Variants in APCDD1 observed in about 807,000 individuals in gnomAD.
The protein encoded by APCDD1 is protein APCDD1.
APCDD1 carries 15 observed loss-of-function variants against 38.1 expected under a neutral mutation model. The observed-to-expected ratio is 0.39, with a 90% confidence interval of 0.26 to 0.61. APCDD1 has a LOEUF of 0.61. APCDD1 is among the 20% of genes least tolerant of loss of function. The pLI is 0.49. For missense variants in APCDD1, 647 were observed against 696.2 expected, an observed-to-expected ratio of 0.93 and a Z score of 0.79; for synonymous variants, 261 against 279.7, an observed-to-expected ratio of 0.93 and a Z score of 0.67.
In APCDD1 at chr18:10,471,278, T is replaced by G. The variant is rs1487281352; in HGVS notation, c.243-252T>G. ...TGGATTCATGGACTGGCTCTGATACTTGCTGGTCATGTGCTCTTGGGCATG... is the reference window on the plus strand; with the variant it reads ...TGGATTCATGGACTGGCTCTGATACGTGCTGGTCATGTGCTCTTGGGCATG... On this transcript the variant is annotated intron_variant, in intron 2 of 4. Coordinates refer to ENST00000355285, the MANE Select transcript of APCDD1 (RefSeq NM_153000.5). This position sits in a 1 kb window ranked among gnomAD's most constrained non-coding sequence, Gnocchi z 5.5. Among the ~76,000 whole-genome samples, 1 of 152,202 alleles carries G rather than the reference T, an allele frequency of 6.6e-6. No homozygotes were observed. Among genetic ancestry groups the G allele is most frequent in the Non-Finnish European group, 1.5e-5 (1 of 68,034 alleles).
chr18:10,462,440 TCTCTCCTTTCCTCCCTCCC>T (rs1568001563), intron 1 of APCDD1, among the ~76,000 whole-genome samples: 43 of 60,762 alleles, frequency 7.1e-4, no homozygotes, highest in Non-Finnish European at 9.1e-4. Flanking sequence ...CCTTGCTCCC[TCTCTCCTTTCCTCCCTCCC>T]TCCCTCCCTC....
intron 1 of APCDD1, among the ~76,000 whole-genome samples, chr18:10,459,076 T>C (rs764166321): frequency 3.3e-5 from 5 of 152,190 alleles, no homozygotes; most frequent in Non-Finnish European, 7.3e-5. Context: ...GGTTTTCCGG[T>C]TTCATTCATT....
Position 10,468,461 on chromosome 18 carries a change from T to C in APCDD1, c.59-8T>C. On this transcript the variant is annotated splice_region_variant and splice_polypyrimidine_tract_variant and intron_variant, in intron 1 of 4. Coordinates refer to ENST00000355285, the MANE Select transcript of APCDD1 (RefSeq NM_153000.5). Reference sequence around the variant, plus strand: ...TCTTTTGGCTAACTTTCCACCTTTATTTTTCAGGGCTGGGAGAGGGTTCTG... The same window carrying C: ...TCTTTTGGCTAACTTTCCACCTTTACTTTTCAGGGCTGGGAGAGGGTTCTG... The C allele has an allele frequency of 6.2e-7, 1 of 1,614,176 alleles. No individual in the cohort carries two copies.
chr18:10,471,253 T>C lies in APCDD1; in HGVS notation c.243-277T>C, dbSNP rs927632772. On this transcript the variant is annotated intron_variant, in intron 2 of 4. Coordinates refer to ENST00000355285, the MANE Select transcript of APCDD1 (RefSeq NM_153000.5). This position sits in a 1 kb window ranked among gnomAD's most constrained non-coding sequence, Gnocchi z 5.5. ...AGCACAGCATCAGAGCCAGGCTGCC[T>C]GGATTCATGGACTGGCTCTGATACT... Among the ~76,000 whole-genome samples, 4 of 152,302 alleles carry C rather than the reference T, an allele frequency of 2.6e-5. No individual in the cohort carries two copies. In the East Asian group the frequency reaches 7.7e-4, roughly 29 times the overall value.
At chr18:10,462,254 G>C (rs1184702825) in intron 1 of APCDD1, among the ~76,000 whole-genome samples, 2 of 152,074 alleles carry the variant, frequency 1.3e-5, no homozygotes, top group Non-Finnish European at 2.9e-5. Context: ...TTATTAGTGC[G>C]GTCCTTGAAC....
In APCDD1 at chr18:10,469,434, G is replaced by A. The variant is rs966326566; in HGVS notation, c.242+782G>A. Among the ~76,000 whole-genome samples, 2 of 152,040 alleles carry A rather than the reference G, an allele frequency of 1.3e-5. No individual in the cohort carries two copies. The highest frequency in any genetic ancestry group is 4.8e-5 in the African/African-American group (2 of 41,394). On this transcript the variant is annotated intron_variant, in intron 2 of 4. Transcript: ENST00000355285. This position sits in a 1 kb window ranked among gnomAD's most constrained non-coding sequence, Gnocchi z 5.5. ...AAATGAGGTCTCTCCAAATAACCAC[G>A]ATAAACAATTTGTATAAACAACCTT...
chr18:10,475,702 G>A lies in APCDD1; in HGVS notation c.774+3641G>A, dbSNP rs998298519. On this transcript the variant is annotated intron_variant, in intron 3 of 4. Coordinates refer to ENST00000355285, the MANE Select transcript of APCDD1 (RefSeq NM_153000.5). This position sits in a 1 kb window ranked among gnomAD's most constrained non-coding sequence, Gnocchi z 4.0. ...GCAAGCAAACACTCCCAGACCCAGA[G>A]GAATGCTGTGGCCACAGATGCAGGT... Among the ~76,000 whole-genome samples the A allele has an allele frequency of 6.6e-6, 1 of 151,150 alleles. No homozygotes were observed. The highest frequency in any genetic ancestry group is 2.4e-5 in the African/African-American group (1 of 41,050).
intron 3 of APCDD1, among the ~76,000 whole-genome samples, chr18:10,478,161 G>C (rs1415052974): frequency 6.6e-6 from 1 of 152,208 alleles, no homozygotes; most frequent in Non-Finnish European, 1.5e-5. Flanking sequence ...TACAGACTCA[G>C]GAATTAGCAG....
At position 10,471,398 on chromosome 18, in the gene APCDD1, A is replaced by G. The variant is rs1272183088; in HGVS notation, c.243-132A>G. On this transcript the variant is annotated intron_variant, in intron 2 of 4. Coordinates refer to ENST00000355285, the MANE Select transcript of APCDD1 (RefSeq NM_153000.5). The surrounding 1 kb of genome is among the most constrained non-coding windows in gnomAD (Gnocchi z 5.5). ...AGGAGTCAATGAGTTGGTATCTATA[A>G]AGGGCTGACAACAGAGTCTGGCCCA... is the stretch of plus-strand genomic sequence containing the variant. 1 of 1,185,892 alleles carries G rather than the reference A, an allele frequency of 8.4e-7. No individual in the cohort carries two copies. The highest frequency in any genetic ancestry group is 2.0e-5 in the Admixed American group (1 of 50,894). 73.5% of individuals were successfully genotyped at this position (1,185,892 alleles called of 1,614,324 possible). A position where few individuals can be genotyped will look rare whatever the true frequency, so the allele number is the denominator to read the frequency against.
chr18:10,478,331 G>A (rs1276306735), intron 3 of APCDD1, among the ~76,000 whole-genome samples: 2 of 152,238 alleles, frequency 1.3e-5, no homozygotes, highest in Non-Finnish European at 2.9e-5. Flanking sequence ...GCTGCACGGG[G>A]TCTGTACACT....
chr18:10,486,974 G>A (rs1266687764), intron 4 of APCDD1, among the ~76,000 whole-genome samples: 5 of 152,220 alleles, frequency 3.3e-5, no homozygotes, highest in African/African-American at 1.2e-4. Context: ...AGCTCATCGT[G>A]TTATACACGG....
At chr18:10,458,553 C>A (rs984538062) in intron 1 of APCDD1, among the ~76,000 whole-genome samples, 1 of 152,140 alleles carries the variant, frequency 6.6e-6, no homozygotes, top group African/African-American at 2.4e-5. Flanking sequence ...GGGCAAGGGT[C>A]TCAGACAGAT....
Position 10,472,133 on chromosome 18 carries a change from G to C in APCDD1, c.774+72G>C. 6.3e-7 allele frequency: 1 copy of C among 1,592,848 alleles called. No individual in the cohort carries two copies. The highest frequency in any genetic ancestry group is 8.6e-7 in the Non-Finnish European group (1 of 1,165,126). On this transcript the variant is annotated intron_variant, in intron 3 of 4. Coordinates refer to ENST00000355285, the MANE Select transcript of APCDD1 (RefSeq NM_153000.5). This position sits in a 1 kb window ranked among gnomAD's most constrained non-coding sequence, Gnocchi z 6.6. ...ATCCTTCTTAAAGGCTTGCCATGGGGGCTCTAGGGCACCCTTGAAAGGGGG... is the reference window on the plus strand; with the variant it reads ...ATCCTTCTTAAAGGCTTGCCATGGGCGCTCTAGGGCACCCTTGAAAGGGGG...
chr18:10,477,192 G>A (rs1190634213), intron 3 of APCDD1: 1 of 152,292 alleles, frequency 6.6e-6, no homozygotes, highest in East Asian at 1.9e-4. Flanking sequence ...GATGGACGAG[G>A]TGGTGGACAA....
intron 3 of APCDD1, among the ~76,000 whole-genome samples, chr18:10,480,921 G>A (rs2031120602): frequency 6.7e-6 from 1 of 149,062 alleles, no homozygotes; most frequent in African/African-American, 2.5e-5. Flanking sequence ...AAGGTAACTA[G>A]TCAACAACCA....
At chr18:10,460,217 T>G (rs1052810764) in intron 1 of APCDD1, among the ~76,000 whole-genome samples, 7 of 152,236 alleles carry the variant, frequency 4.6e-5, no homozygotes, top group East Asian at 1.9e-4. Flanking sequence ...TAATTCAGAT[T>G]GTTAAAACTT....
At chr18:10,483,803 T>A (rs2031190484) in intron 3 of APCDD1, among the ~76,000 whole-genome samples, 1 of 152,288 alleles carries the variant, frequency 6.6e-6, no homozygotes, top group Admixed American at 6.5e-5. Flanking sequence ...AACTTCTACC[T>A]CCCTACCACA....
At chr18:10,463,877 C>G (rs1349807638) in intron 1 of APCDD1, among the ~76,000 whole-genome samples, 1 of 152,124 alleles carries the variant, frequency 6.6e-6, no homozygotes, top group Non-Finnish European at 1.5e-5. Context: ...GAGTGTGAGC[C>G]TGAAATCACT....
intron 1 of APCDD1, among the ~76,000 whole-genome samples, chr18:10,461,718 AC>A (rs2030546598): frequency 6.6e-6 from 1 of 152,244 alleles, no homozygotes; most frequent in Non-Finnish European, 1.5e-5. Flanking sequence ...CCAAAAACTC[AC>A]AGCCATTTTC....
Sources: gnomAD v4.1 joint callset for allele counts (sites outside exome capture counted in the v4.1 genomes callset) on GRCh38, gnomAD v4.1.1 for gene constraint, Gnocchi (gnomAD v3.1) non-coding constraint, MANE v1.5 for transcripts, NCBI Gene and HGNC (gene_info 2026-07-23, HGNC 2026-07-21) for gene names.